PTPRM: variants seen among roughly 807,000 people sequenced by gnomAD.
PTPRM encodes protein tyrosine phosphatase receptor type M.
A neutral mutation model predicts 186.7 loss-of-function variants in PTPRM; 47 were observed. The ratio of observed to expected loss-of-function variants is 0.25; its 90% confidence interval spans 0.20 to 0.32. The LOEUF (loss-of-function observed/expected upper bound fraction) is 0.32, where lower values mean the gene tolerates loss of function less well. Ranked by LOEUF, PTPRM falls within the 10% of genes least tolerant of loss-of-function variation. The probability of loss-of-function intolerance (pLI) is 1.00; values close to 1 mark genes in which losing one functional copy is unlikely to be tolerated. For missense variants in PTPRM, 1,494 were observed against 1,865.0 expected (o/e 0.80, Z 3.66); for synonymous variants, 668 against 674.9 (o/e 0.99, Z 0.16).
intron 1 of PTPRM, among the ~76,000 whole-genome samples, chr18:7,650,646 A>G (rs2038678549): frequency 6.6e-6 from 1 of 152,098 alleles, no homozygotes; most frequent in South Asian, 2.1e-4. Context: ...GAAGACTCTT[A>G]TAGGCACTAT....
chr18:8,128,075 A>C (rs551951614), intron 13 of PTPRM, among the ~76,000 whole-genome samples: 7 of 152,180 alleles, frequency 4.6e-5, no homozygotes, highest in Non-Finnish European at 1.0e-4. Flanking sequence ...CAGTGTCAGA[A>C]GCTTCAATTT....
At chr18:8,390,662 C>T (rs2095805084) in intron 31 of PTPRM, among the ~76,000 whole-genome samples, 1 of 152,222 alleles carries the variant, frequency 6.6e-6, no homozygotes, top group African/African-American at 2.4e-5. Context: ...AGCGCAGTGG[C>T]TCACGCCTAT....
chr18:7,733,937 T>C (rs2040714396), intron 1 of PTPRM, among the ~76,000 whole-genome samples: 1 of 152,202 alleles, frequency 6.6e-6, no homozygotes, highest in African/African-American at 2.4e-5. Context: ...AGGTTGGAGA[T>C]TCTCCGGGTA....
chr18:7,824,327 C>T (rs1038642122), intron 2 of PTPRM, among the ~76,000 whole-genome samples: 4 of 152,232 alleles, frequency 2.6e-5, no homozygotes, highest in African/African-American at 4.8e-5. Flanking sequence ...CAGGAGAGTG[C>T]GCACCAGTCA....
chr18:8,179,681 G>A (rs2079220380), intron 14 of PTPRM, among the ~76,000 whole-genome samples: 1 of 151,892 alleles, frequency 6.6e-6, no homozygotes, highest in South Asian at 2.1e-4. Context: ...TGTTGGCCAG[G>A]ATGGTCTTGA....
chr18:7,598,410 G>C (rs1183368995), intron 1 of PTPRM, among the ~76,000 whole-genome samples: 2 of 152,174 alleles, frequency 1.3e-5, no homozygotes, highest in Admixed American at 1.3e-4. Context: ...AGACAAACAT[G>C]TTTGGTATTC....
intron 19 of PTPRM, among the ~76,000 whole-genome samples, chr18:8,290,681 T>A (rs2095033211): frequency 6.6e-6 from 1 of 152,188 alleles, no homozygotes; most frequent in Admixed American, 6.5e-5. Flanking sequence ...GGAGCTTGCC[T>A]GGTTTCATTT....
chr18:8,125,072 C>A (rs1339801074), intron 13 of PTPRM, among the ~76,000 whole-genome samples: 1 of 151,994 alleles, frequency 6.6e-6, no homozygotes, highest in Non-Finnish European at 1.5e-5. Flanking sequence ...GACCCCAGCA[C>A]CTAGGACTGT....
At chr18:8,136,043 A>G (rs1271621699) in intron 13 of PTPRM, among the ~76,000 whole-genome samples, 1 of 152,254 alleles carries the variant, frequency 6.6e-6, no homozygotes, top group African/African-American at 2.4e-5. Flanking sequence ...GGTCTAGACC[A>G]TGACCTAAAA....
intron 1 of PTPRM, among the ~76,000 whole-genome samples, chr18:7,694,569 G>A (rs2039802564): frequency 6.6e-6 from 1 of 151,854 alleles, no homozygotes; most frequent in South Asian, 2.1e-4. Flanking sequence ...TGGGATTACA[G>A]GTACCCACCA....
At position 8,150,741 on chromosome 18, in the gene PTPRM, T is replaced by A. The variant is rs189484497; in HGVS notation, c.2300+6962T>A. On this transcript the variant is annotated intron_variant, in intron 14 of 32. Transcript: ENST00000580170. ...GAGAAGAGACATTCTGGTTTTGGAA[T>A]TTTCAGGCTTTTTGCGCTGGTTTCT... Among the ~76,000 whole-genome samples, 562 of 152,298 alleles carry A rather than the reference T, an allele frequency of 3.7e-3. 4 individuals carry two copies. The highest frequency in any genetic ancestry group is 0.013 in the African/African-American group (521 of 41,580).
At chr18:7,748,459 C>A (rs1451603631) in intron 1 of PTPRM, among the ~76,000 whole-genome samples, 1 of 152,072 alleles carries the variant, frequency 6.6e-6, no homozygotes, top group Non-Finnish European at 1.5e-5. Flanking sequence ...CTGGCTGGAG[C>A]CCCCTCCTGA....
intron 19 of PTPRM, among the ~76,000 whole-genome samples, chr18:8,290,750 G>T (rs1407416009): frequency 6.6e-6 from 1 of 152,054 alleles, no homozygotes. Context: ...CTGCCTCTTC[G>T]CAGTATATAT....
intron 2 of PTPRM, among the ~76,000 whole-genome samples, chr18:7,800,182 C>T (rs143456220): frequency 8.5e-5 from 13 of 152,240 alleles, no homozygotes; most frequent in Admixed American, 2.6e-4. Context: ...ATAGCACTTA[C>T]GTTAAATAGC....
At chr18:7,788,679 T>C (rs552121025) in intron 2 of PTPRM, among the ~76,000 whole-genome samples, 142 of 152,362 alleles carry the variant, frequency 9.3e-4, no homozygotes, top group African/African-American at 3.2e-3. Context: ...TTCATGTGCA[T>C]GGATAGCAAA....
chr18:8,009,311 T>C (rs918296049), intron 7 of PTPRM, among the ~76,000 whole-genome samples: 3 of 148,468 alleles, frequency 2.0e-5, no homozygotes, highest in African/African-American at 7.4e-5. Flanking sequence ...TATACCTTAT[T>C]GGCTTCCATA....
chr18:7,616,950 G>A (rs1000447078), intron 1 of PTPRM, among the ~76,000 whole-genome samples: 1 of 152,122 alleles, frequency 6.6e-6, no homozygotes, highest in Admixed American at 6.5e-5. Context: ...TGGGTTAGTC[G>A]AGGTTGTTCT....
intron 19 of PTPRM, among the ~76,000 whole-genome samples, chr18:8,279,057 C>T (rs182010833): frequency 6.6e-6 from 1 of 151,840 alleles, no homozygotes; most frequent in East Asian, 1.9e-4. Context: ...CGCACATGTA[C>T]CCTAGAACTT....
intron 1 of PTPRM, among the ~76,000 whole-genome samples, chr18:7,695,885 G>A (rs1471357268): frequency 6.6e-6 from 1 of 152,128 alleles, no homozygotes; most frequent in Non-Finnish European, 1.5e-5. Context: ...AAAGATAAAT[G>A]GGCTAAAAAT....
Sources: gnomAD v4.1 joint callset for allele counts (sites outside exome capture counted in the v4.1 genomes callset) on GRCh38, gnomAD v4.1.1 for gene constraint, MANE v1.5 for transcripts, NCBI Gene and HGNC (gene_info 2026-07-23, HGNC 2026-07-21) for gene names.